Variants in SPATA9 observed in about 807,000 individuals in gnomAD.
The protein encoded by SPATA9 is spermatogenesis associated 9.
Under a neutral mutation model 25.5 loss-of-function variants are expected in SPATA9, and 27 were observed. The observed-to-expected ratio is 1.06, with a 90% confidence interval of 0.78 to 1.46. SPATA9 has a LOEUF of 1.46. SPATA9 is among the 40% of genes most tolerant of loss of function. SPATA9 has a pLI of 0.00. For missense variants in SPATA9, 282 were observed against 297.5 expected (o/e 0.95, Z 0.38); for synonymous variants, 102 against 105.7 (o/e 0.97, Z 0.21).
the SPATA9 span, among the ~76,000 whole-genome samples, chr5:95,707,767 G>A: frequency 2.0e-5 from 3 of 152,122 alleles, no homozygotes; most frequent in Non-Finnish European, 4.4e-5. Context: ...GAGCCAAGAT[G>A]GAGTCTGTCT....
chr5:95,731,070 T>C, the SPATA9 span: 25 of 1,090,120 alleles, frequency 2.3e-5, no homozygotes, highest in Admixed American at 4.6e-5. Context: ...TTGAACAAAC[T>C]TGCTGCAGGC....
At chr5:95,700,066 T>G (rs114679858), upstream of SPATA9, among the ~76,000 whole-genome samples, 1,328 of 152,190 alleles carry the variant, frequency 8.7e-3, 24 homozygotes, top group African/African-American at 0.03. Context: ...AGAAAAAACT[T>G]ATGAAAATAT....
the SPATA9 span, among the ~76,000 whole-genome samples, chr5:95,719,420 C>T: frequency 6.6e-6 from 1 of 152,058 alleles, no homozygotes; most frequent in East Asian, 1.9e-4. Flanking sequence ...ACCTAGATGG[C>T]CAAGATAAGT....
At chr5:95,713,460 C>T in the SPATA9 span, 1 of 151,862 alleles carries the variant, frequency 6.6e-6, no homozygotes, top group Non-Finnish European at 1.5e-5. Context: ...TAGCACCTCC[C>T]CCTTCCCTCC....
At chr5:95,721,673 T>C in the SPATA9 span, among the ~76,000 whole-genome samples, 2 of 146,114 alleles carry the variant, frequency 1.4e-5, no homozygotes, top group African/African-American at 5.1e-5. Flanking sequence ...AAGAGGAATA[T>C]CTGATTCTAC....
At chr5:95,666,558 G>A (rs1751823187) in intron 3 of SPATA9, among the ~76,000 whole-genome samples, 1 of 152,160 alleles carries the variant, frequency 6.6e-6, no homozygotes, top group South Asian at 2.1e-4. Context: ...CCTTATTAGA[G>A]AGGGAATATT....
At chr5:95,654,147 C>T, downstream of SPATA9, 2 of 1,612,272 alleles carry the variant, frequency 1.2e-6, no homozygotes, top group Non-Finnish European at 1.7e-6. Context: ...ATTAAAAAAT[C>T]TGAAAGAATG....
intron 1 of SPATA9, among the ~76,000 whole-genome samples, chr5:95,697,474 G>A (rs1282199870): frequency 6.6e-6 from 1 of 152,188 alleles, no homozygotes; most frequent in African/African-American, 2.4e-5. Context: ...GAGAGAGACA[G>A]AGAGAGAACA....
chr5:95,707,166 A>C, the SPATA9 span, among the ~76,000 whole-genome samples: 1 of 152,256 alleles, frequency 6.6e-6, no homozygotes, highest in Non-Finnish European at 1.5e-5. Flanking sequence ...GACAGAAATC[A>C]GAAGAATTTA....
the SPATA9 span, among the ~76,000 whole-genome samples, chr5:95,705,476 C>A: frequency 5.3e-5 from 8 of 152,092 alleles, no homozygotes; most frequent in African/African-American, 1.9e-4. Flanking sequence ...GGTTTAATCA[C>A]AACAAAAAGT....
the SPATA9 span, among the ~76,000 whole-genome samples, chr5:95,724,833 G>A: frequency 0.5 from 75,466 of 151,874 alleles, 19,437 homozygotes; most frequent in East Asian, 0.91. Context: ...AATTAAATGA[G>A]TCAAAATTTG....
chr5:95,731,749 G>A, the SPATA9 span: 1 of 1,610,054 alleles, frequency 6.2e-7, no homozygotes, highest in South Asian at 1.1e-5. Context: ...CCAGGGACAG[G>A]GGCTGGTGCC....
At chr5:95,717,112 A>G in the SPATA9 span, 1 of 152,238 alleles carries the variant, frequency 6.6e-6, no homozygotes, top group African/African-American at 2.4e-5. Flanking sequence ...TGAGATTAAC[A>G]TTTAAATTGC....
the SPATA9 span, among the ~76,000 whole-genome samples, chr5:95,704,091 TCTCA>T: frequency 6.6e-6 from 1 of 152,000 alleles, no homozygotes; most frequent in Non-Finnish European, 1.5e-5. Flanking sequence ...AAACACACAG[TCTCA>T]CTTTGATGTA....
intron 3 of SPATA9, among the ~76,000 whole-genome samples, chr5:95,671,539 A>T (rs1006702121): frequency 2.0e-5 from 3 of 152,068 alleles, no homozygotes; most frequent in African/African-American, 7.2e-5. Flanking sequence ...CCTCCTGAGT[A>T]GCTGGGATTA....
At chr5:95,663,433 A>C (rs1751461223) in intron 4 of SPATA9, among the ~76,000 whole-genome samples, 1 of 152,170 alleles carries the variant, frequency 6.6e-6, no homozygotes, top group Non-Finnish European at 1.5e-5. Context: ...GGTAGTATAG[A>C]GCTTAATAGA....
the SPATA9 span, among the ~76,000 whole-genome samples, chr5:95,726,440 T>C: frequency 2.6e-5 from 4 of 152,240 alleles, no homozygotes; most frequent in African/African-American, 4.8e-5. Context: ...TTCAATACTT[T>C]GGTGTTTAGT....
chr5:95,692,958 T>C (rs1753926940), intron 1 of SPATA9, among the ~76,000 whole-genome samples: 1 of 152,240 alleles, frequency 6.6e-6, no homozygotes, highest in African/African-American at 2.4e-5. Context: ...ACTGTATTAT[T>C]CAATTCTTTT....
chr5:95,731,002 T>C, the SPATA9 span: 1 of 657,258 alleles, frequency 1.5e-6, no homozygotes, highest in South Asian at 1.5e-5. Context: ...CAGTCCGGAG[T>C]GAGCGGGGGC....
Sources: gnomAD v4.1 joint callset for allele counts (sites outside exome capture counted in the v4.1 genomes callset) on GRCh38, gnomAD v4.1.1 for gene constraint, MANE v1.5 for transcripts, NCBI Gene and HGNC (gene_info 2026-07-23, HGNC 2026-07-21) for gene names.